Variants in DAB1 observed in about 807,000 individuals in gnomAD.
DAB1 encodes disabled homolog 1.
Under a neutral mutation model 64.6 loss-of-function variants are expected in DAB1, and 15 were observed. The observed-to-expected ratio is 0.23, with a 90% CI of 0.16 to 0.36. The LOEUF is 0.36. Ranked by LOEUF, DAB1 falls within the 10% of genes least tolerant of loss-of-function variation. The pLI is 1.00. For missense variants in DAB1, 596 were observed against 706.7 expected (o/e 0.84, Z 1.78); for synonymous variants, 235 against 251.9 (o/e 0.93, Z 0.64).
intron 5 of DAB1, among the ~76,000 whole-genome samples, chr1:57,977,659 T>C (rs1645953919): frequency 6.6e-6 from 1 of 152,132 alleles, no homozygotes; most frequent in Non-Finnish European, 1.5e-5. Flanking sequence ...GATTTGTACA[T>C]TCTCAAAGGG....
rs181535152 is a variant in DAB1 at position 57,443,093 on chromosome 1, G to A, written n.626-151927C>T. Among the ~76,000 whole-genome samples the A allele has an allele frequency of 3.7e-4, 57 of 152,270 alleles. No homozygotes were observed. In the East Asian group the frequency reaches 7.7e-3, roughly 21 times the overall value. ...AACAAGTCTATCATGGGTACATAAT[G>A]TTTCTTCCAGAAATAAATTAACATA... On this transcript the variant is annotated intron_variant and non_coding_transcript_variant, in intron 7 of 20. Transcript: ENST00000485760.
chr1:57,836,848 A>G (rs1652831156), intron 1 of DAB1, among the ~76,000 whole-genome samples: 1 of 152,160 alleles, frequency 6.6e-6, no homozygotes, highest in Admixed American at 6.5e-5. Flanking sequence ...GATCTGTGGC[A>G]TACAGTCTTT....
chr1:57,182,486 C>T (rs112332727), intron 2 of DAB1, among the ~76,000 whole-genome samples: 34 of 152,294 alleles, frequency 2.2e-4, no homozygotes, highest in African/African-American at 7.9e-4. Flanking sequence ...CATTGTATCA[C>T]AAGGCCCCTT....
At chr1:57,614,256 A>C (rs923914899) in intron 7 of DAB1, among the ~76,000 whole-genome samples, 15 of 152,250 alleles carry the variant, frequency 9.9e-5, no homozygotes, top group African/African-American at 3.6e-4. Flanking sequence ...AGCAAATTCA[A>C]AGTTAAAAAC....
At chr1:58,188,840 A>G (rs976762698) in intron 4 of DAB1, among the ~76,000 whole-genome samples, 7 of 152,228 alleles carry the variant, frequency 4.6e-5, no homozygotes, top group African/African-American at 1.7e-4. Context: ...CCAAAGCTGA[A>G]GGTAGCTGAG....
intron 4 of DAB1, among the ~76,000 whole-genome samples, chr1:58,246,140 A>G (rs1198821905): frequency 1.3e-5 from 2 of 152,244 alleles, no homozygotes; most frequent in Non-Finnish European, 2.9e-5. Context: ...ACAAAAATGA[A>G]TAAGAGAAAA....
chr1:57,674,850 T>C (rs1438021111), intron 6 of DAB1, among the ~76,000 whole-genome samples: 1 of 152,240 alleles, frequency 6.6e-6, no homozygotes, highest in East Asian at 1.9e-4. Context: ...TCAAAGTTCA[T>C]ACTTGAAAAT....
intron 5 of DAB1, among the ~76,000 whole-genome samples, chr1:57,942,392 T>C (rs1460766609): frequency 6.6e-6 from 1 of 152,220 alleles, no homozygotes; most frequent in African/African-American, 2.4e-5. Context: ...GAAACCACAA[T>C]TAACTGTACA....
chr1:57,250,781 A>G (rs1310997762), intron 2 of DAB1, among the ~76,000 whole-genome samples: 1 of 152,230 alleles, frequency 6.6e-6, no homozygotes, highest in African/African-American at 2.4e-5. Context: ...TGGATAAATT[A>G]CTAAATCCTT....
At chr1:58,163,173 A>G (rs974506912) in intron 4 of DAB1, among the ~76,000 whole-genome samples, 2 of 152,194 alleles carry the variant, frequency 1.3e-5, no homozygotes, top group Middle Eastern at 3.2e-3. Context: ...CTACTGGCAG[A>G]GCCTAAGAGG....
intron 1 of DAB1, among the ~76,000 whole-genome samples, chr1:57,877,936 G>C (rs1264561034): frequency 6.6e-6 from 1 of 152,108 alleles, no homozygotes; most frequent in Non-Finnish European, 1.5e-5. Context: ...AAAATATAAA[G>C]AGAAAAATAA....
chr1:57,025,886 G>T, intron 10 of DAB1, 95 bp downstream of exon 10: 1 of 951,544 alleles, frequency 1.1e-6, no homozygotes, highest in Non-Finnish European at 1.6e-6. Flanking sequence ...TCCACCAGCA[G>T]CCCTCTTTCA....
intron 2 of DAB1, among the ~76,000 whole-genome samples, chr1:57,264,695 C>CT (rs1431522490): frequency 9.1e-6 from 1 of 110,478 alleles, no homozygotes; most frequent in African/African-American, 6.7e-5. Flanking sequence ...CTCGTGATCT[C>CT]CCCACCCTCC....
At chr1:57,147,935 T>C (rs1421334670) in intron 2 of DAB1, among the ~76,000 whole-genome samples, 1 of 152,188 alleles carries the variant, frequency 6.6e-6, no homozygotes, top group Non-Finnish European at 1.5e-5. Flanking sequence ...CCCACGTTTG[T>C]GGTTTGCTTG....
Position 58,145,442 on chromosome 1 carries a change from A to T in DAB1, n.387+5069T>A, listed in dbSNP as rs1327583314. Among the ~76,000 whole-genome samples, 614 of 152,348 alleles carry T rather than the reference A, an allele frequency of 4.0e-3. 6 individuals are homozygous for T. The highest frequency in any genetic ancestry group is 0.014 in the African/African-American group (571 of 41,574). On this transcript the variant is annotated intron_variant and non_coding_transcript_variant, in intron 5 of 20. Coordinates refer to the DAB1 transcript ENST00000485760. ...TACTCCCGTCACATGGATGTCGTAA[A>T]GATTAAATATAATGATGAAAGTAAG...
At chr1:57,687,050 A>G (rs3131764) in intron 6 of DAB1, among the ~76,000 whole-genome samples, 110,922 of 152,084 alleles carry the variant, frequency 0.73, 41,235 homozygotes, top group East Asian at 0.93. Flanking sequence ...CAAAGCAATC[A>G]GGCAAGAGAA....
chr1:57,698,753 T>G (rs1646875028), intron 6 of DAB1, among the ~76,000 whole-genome samples: 2 of 152,128 alleles, frequency 1.3e-5, no homozygotes. Flanking sequence ...ATAAACCCAT[T>G]TATTTGGCAC....
At chr1:57,207,205 G>A (rs372784890) in intron 2 of DAB1, among the ~76,000 whole-genome samples, 1 of 151,294 alleles carries the variant, frequency 6.6e-6, no homozygotes, top group East Asian at 2.0e-4. Flanking sequence ...CTGACCTCAA[G>A]TGATCCACCC....
At chr1:57,740,119 C>G (rs965633013) in intron 6 of DAB1, among the ~76,000 whole-genome samples, 11 of 151,336 alleles carry the variant, frequency 7.3e-5, no homozygotes, top group Non-Finnish European at 1.5e-4. Flanking sequence ...GAGGCTGAGG[C>G]ATGAAAATTG....
Sources: gnomAD v4.1 joint callset for allele counts (sites outside exome capture counted in the v4.1 genomes callset) on GRCh38, gnomAD v4.1.1 for gene constraint, MANE v1.5 for transcripts, NCBI Gene and HGNC (gene_info 2026-07-23, HGNC 2026-07-21) for gene names.